AVEN: variants seen among roughly 807,000 people sequenced by gnomAD.
AVEN encodes apoptosis and caspase activation inhibitor.
Under a neutral mutation model 38.1 loss-of-function variants are expected in AVEN, and 41 were observed. The ratio of observed to expected loss-of-function variants is 1.08; its 90% CI spans 0.84 to 1.40. The LOEUF (loss-of-function observed/expected upper bound fraction) is 1.40. AVEN is among the 40% of genes most tolerant of loss of function. AVEN has a pLI of 0.00. For missense variants in AVEN, 605 were observed against 438.8 expected (o/e 1.38, Z -3.38); for synonymous variants, 206 against 171.8 (o/e 1.20, Z -1.56).
At chr15:33,871,150 TACATCAC>T (rs773440469) in intron 3 of AVEN, 120 bp from the exon 4 acceptor site, 29 of 533,406 alleles carry the variant, frequency 5.4e-5, no homozygotes, top group Non-Finnish European at 8.3e-5. Context: ...AGTCACACCA[TACATCAC>T]ACTTATGTGT....
Position 33,925,995 on chromosome 15 carries a change from C to A in AVEN, c.446-50000G>T, listed in dbSNP as rs2153049160. Among the ~76,000 whole-genome samples, 2 of 150,614 alleles carry A rather than the reference C, an allele frequency of 1.3e-5. 1 individual carries two copies. Among genetic ancestry groups the A allele is most frequent in the South Asian group, 4.3e-4 (2 of 4,682 alleles). ...TATTGGGCGATATCCTTGAAGCAACCATGTATGTGCTGTTTTTCCAAGACG... is the reference window on the plus strand; with the variant it reads ...TATTGGGCGATATCCTTGAAGCAACAATGTATGTGCTGTTTTTCCAAGACG... On this transcript the variant is annotated intron_variant, in intron 2 of 5. Transcript: ENST00000306730.
chr15:33,857,861 A>G (rs1489116400), downstream of AVEN: 2 of 1,614,232 alleles, frequency 1.2e-6, no homozygotes, highest in Non-Finnish European at 1.7e-6. Context: ...CAAGTTCTAC[A>G]ACAAAAGCGA....
intron 5 of AVEN, among the ~76,000 whole-genome samples, chr15:34,046,080 C>T (rs1899670629): frequency 6.6e-6 from 1 of 152,070 alleles, no homozygotes; most frequent in Non-Finnish European, 1.5e-5. Context: ...ATCCACACTC[C>T]CAGATAACCA....
At chr15:33,962,515 G>C (rs1174429026) in intron 2 of AVEN, among the ~76,000 whole-genome samples, 3 of 151,994 alleles carry the variant, frequency 2.0e-5, no homozygotes, top group Admixed American at 1.3e-4. Context: ...CCTGTAATCT[G>C]TCCCTTTCTT....
chr15:33,951,330 A>C (rs1239175062), intron 2 of AVEN, among the ~76,000 whole-genome samples: 1 of 152,030 alleles, frequency 6.6e-6, no homozygotes, highest in Non-Finnish European at 1.5e-5. Context: ...TGTCAATTTA[A>C]TACTTCTAGA....
chr15:33,963,796 CAAAAAAA>C (rs57116335), intron 2 of AVEN, among the ~76,000 whole-genome samples: 1 of 112,490 alleles, frequency 8.9e-6, no homozygotes, highest in South Asian at 3.2e-4. Flanking sequence ...GACTCTGTCT[CAAAAAAA>C]AAAAAAAAAA....
At chr15:34,062,242 G>A (rs1263969745) in intron 5 of AVEN, among the ~76,000 whole-genome samples, 1 of 152,182 alleles carries the variant, frequency 6.6e-6, no homozygotes, top group Non-Finnish European at 1.5e-5. Context: ...GTGCAGCCAC[G>A]TTTAATATTC....
At chr15:33,938,511 A>G (rs530457250) in intron 2 of AVEN, among the ~76,000 whole-genome samples, 4 of 152,328 alleles carry the variant, frequency 2.6e-5, no homozygotes. Context: ...TCAACAACAG[A>G]CACCACAGAC....
At chr15:34,016,817 C>T (rs1436420092) in intron 1 of AVEN, among the ~76,000 whole-genome samples, 1 of 152,158 alleles carries the variant, frequency 6.6e-6, no homozygotes, top group Non-Finnish European at 1.5e-5. Flanking sequence ...TTCTAAATAA[C>T]TCAGGTTCAC....
chr15:34,035,754 A>G (rs1899086288), intron 1 of AVEN, among the ~76,000 whole-genome samples: 2 of 151,930 alleles, frequency 1.3e-5, no homozygotes, highest in African/African-American at 4.8e-5. Context: ...AAACAATCCT[A>G]GTATTGGGGG....
At chr15:34,068,957 G>A (rs1449851236) in intron 2 of AVEN, among the ~76,000 whole-genome samples, 9 of 151,856 alleles carry the variant, frequency 5.9e-5, no homozygotes, top group South Asian at 2.1e-4. Context: ...GACTACAGGC[G>A]CCTGCCACCA....
downstream of AVEN, chr15:33,865,112 G>A (rs187683828): frequency 9.2e-4 from 1,453 of 1,587,322 alleles, 1 homozygote; most frequent in Non-Finnish European, 1.2e-3. Flanking sequence ...ATAAGCACCC[G>A]TTGTTCATAT....
chr15:33,926,101 T>C (rs887493361), intron 2 of AVEN, among the ~76,000 whole-genome samples: 4 of 152,240 alleles, frequency 2.6e-5, no homozygotes, highest in Middle Eastern at 3.4e-3. Context: ...TATATATCCA[T>C]AAAGCATATA....
chr15:33,984,952 A>C (rs529300404), intron 2 of AVEN, among the ~76,000 whole-genome samples: 1 of 152,174 alleles, frequency 6.6e-6, no homozygotes, highest in South Asian at 2.1e-4. Context: ...TGAACCAACC[A>C]ATATTTTCAC....
intron 1 of AVEN, among the ~76,000 whole-genome samples, chr15:34,017,597 A>C (rs1380077052): frequency 6.7e-6 from 1 of 149,324 alleles, no homozygotes; most frequent in African/African-American, 2.5e-5. Context: ...CTCCTGCCTG[A>C]GTCTCTCAAG....
At chr15:33,962,383 T>C (rs1895223147) in intron 2 of AVEN, among the ~76,000 whole-genome samples, 1 of 152,172 alleles carries the variant, frequency 6.6e-6, no homozygotes, top group Non-Finnish European at 1.5e-5. Context: ...AATTTCAGCA[T>C]ATTGCATCTC....
At chr15:33,936,826 G>A (rs1289140906) in intron 2 of AVEN, among the ~76,000 whole-genome samples, 2 of 152,180 alleles carry the variant, frequency 1.3e-5, no homozygotes, top group African/African-American at 2.4e-5. Flanking sequence ...ACAAAGCAGT[G>A]ATCAAAATTA....
chr15:33,997,391 A>C (rs1223191724), intron 2 of AVEN, among the ~76,000 whole-genome samples: 1 of 152,222 alleles, frequency 6.6e-6, no homozygotes, highest in Non-Finnish European at 1.5e-5. Flanking sequence ...AGCAAGCACC[A>C]CAAATACAAA....
chr15:34,055,438 G>C (rs954214182), intron 5 of AVEN, among the ~76,000 whole-genome samples: 2 of 152,056 alleles, frequency 1.3e-5, no homozygotes, highest in African/African-American at 4.8e-5. Flanking sequence ...CCGGGAGGAA[G>C]AGGTTACAGT....
Sources: gnomAD v4.1 joint callset for allele counts (sites outside exome capture counted in the v4.1 genomes callset) on GRCh38, gnomAD v4.1.1 for gene constraint, MANE v1.5 for transcripts, NCBI Gene and HGNC (gene_info 2026-07-23, HGNC 2026-07-21) for gene names.